The following GAPVD1 variants were observed in gnomAD, a reference collection of about 807,000 sequenced individuals.
GAPVD1 encodes GTPase activating protein and VPS9 domains 1.
A neutral mutation model predicts 155.5 loss-of-function variants in GAPVD1; 35 were observed. The ratio of observed to expected loss-of-function variants is 0.23; its 90% CI spans 0.17 to 0.30. GAPVD1 has a LOEUF of 0.30. Among genes scored for constraint, GAPVD1 ranks in the 10% least tolerant of loss-of-function variants. GAPVD1 has a pLI of 1.00. For synonymous variants in GAPVD1, 636 were observed against 619.7 expected (o/e 1.03, Z -0.39); for missense variants, 1,429 against 1,775.7 (o/e 0.80, Z 3.51).
intron 2 of GAPVD1, among the ~76,000 whole-genome samples, chr9:125,283,245 G>C (rs1260078806): frequency 6.6e-6 from 1 of 151,806 alleles, no homozygotes; most frequent in Admixed American, 6.6e-5. Flanking sequence ...TTTTAGTCGA[G>C]ACTGGGTTTC....
intron 17 of GAPVD1, among the ~76,000 whole-genome samples, chr9:125,338,964 TA>T (rs1847447694): frequency 3.3e-5 from 5 of 150,964 alleles, no homozygotes; most frequent in Admixed American, 2.6e-4. Flanking sequence ...TGTGTATATA[TA>T]TTTTTTGTTG....
intron 2 of GAPVD1, among the ~76,000 whole-genome samples, chr9:125,285,982 G>T (rs1244796549): frequency 6.7e-6 from 1 of 150,300 alleles, no homozygotes; most frequent in East Asian, 2.0e-4. Flanking sequence ...TAATTTTCGT[G>T]TTCTCTGTAG....
intron 20 of GAPVD1, among the ~76,000 whole-genome samples, chr9:125,348,591 C>CAAGATT (rs1331330361): frequency 6.6e-6 from 1 of 152,114 alleles, no homozygotes; most frequent in Non-Finnish European, 1.5e-5. Context: ...TGGCTCACTG[C>CAAGATT]AACCTCCACC....
chr9:125,275,351 C>T (rs1250760345), intron 2 of GAPVD1, among the ~76,000 whole-genome samples: 1 of 152,218 alleles, frequency 6.6e-6, no homozygotes, highest in Non-Finnish European at 1.5e-5. Context: ...GCTGGGATTA[C>T]AGGCGTAAGC....
chr9:125,310,524 A>C (rs1402815560), intron 8 of GAPVD1, among the ~76,000 whole-genome samples: 3 of 146,428 alleles, frequency 2.0e-5, no homozygotes, highest in African/African-American at 7.7e-5. Context: ...GAAAATAGAA[A>C]CTTTTTTTCT....
chr9:125,359,093 C>T (rs1850540882), intron 25 of GAPVD1, among the ~76,000 whole-genome samples: 2 of 151,734 alleles, frequency 1.3e-5, no homozygotes, highest in Non-Finnish European at 2.9e-5. Flanking sequence ...TCACTTTTTC[C>T]CCCCCTCTCC....
At chr9:125,299,304 G>A (rs1409372058) in intron 4 of GAPVD1, among the ~76,000 whole-genome samples, 198 bp downstream of exon 4, 1 of 152,184 alleles carries the variant, frequency 6.6e-6, no homozygotes, top group Non-Finnish European at 1.5e-5. Context: ...ATAGAAAATT[G>A]TAACTTAAGC....
chr9:125,300,191 T>A (rs909242362), intron 4 of GAPVD1, among the ~76,000 whole-genome samples: 4 of 145,786 alleles, frequency 2.7e-5, no homozygotes, highest in Non-Finnish European at 6.0e-5. Flanking sequence ...TTTATTTTTT[T>A]TTTTTTTTGA....
intron 1 of GAPVD1, chr9:125,263,465 A>T (rs1171653492): frequency 6.2e-6 from 4 of 641,498 alleles, no homozygotes; most frequent in Non-Finnish European, 1.1e-5. Context: ...AAAACAAAAC[A>T]AAAAAACTCC....
intron 2 of GAPVD1, 38 bp downstream of exon 2, chr9:125,269,022 T>G (rs1003691088): frequency 6.6e-6 from 1 of 152,100 alleles, no homozygotes; most frequent in African/African-American, 2.4e-5. Context: ...TAAAATAATT[T>G]TTTTAAGTTT....
intron 25 of GAPVD1, among the ~76,000 whole-genome samples, chr9:125,357,699 C>T (rs764059982): frequency 1.1e-4 from 17 of 152,022 alleles, no homozygotes; most frequent in African/African-American, 4.1e-4. Context: ...CCTGGCTGGG[C>T]GCAGTGGCGT....
chr9:125,284,198 T>C (rs1239324687), intron 2 of GAPVD1, among the ~76,000 whole-genome samples: 1 of 148,262 alleles, frequency 6.7e-6, no homozygotes, highest in African/African-American at 2.5e-5. Context: ...TTTTTTTTTT[T>C]TTTGAGATGG....
chr9:125,329,276 G>A (rs993068166), intron 12 of GAPVD1, among the ~76,000 whole-genome samples: 1 of 152,222 alleles, frequency 6.6e-6, no homozygotes, highest in African/African-American at 2.4e-5. Flanking sequence ...GTATTTTCCT[G>A]TGAATGTATC....
At position 125,307,397 on chromosome 9, in the gene GAPVD1, T is replaced by A; in HGVS notation, c.1117-16T>A. ...TTAAAGGGAAATGTTTCACTGTTTT[T>A]TTCCTGTTTTAACAGAGCTGTGTTG... On this transcript the variant is annotated splice_polypyrimidine_tract_variant and intron_variant, in intron 6 of 27. Transcript: ENST00000297933. The A allele has an allele frequency of 6.4e-7, 1 of 1,550,908 alleles. No individual in the cohort carries two copies. Among genetic ancestry groups the A allele is most frequent in the South Asian group, 1.2e-5 (1 of 81,784 alleles).
chr9:125,305,249 T>A, intron 6 of GAPVD1, 100 bp downstream of exon 6: 6 of 746,872 alleles, frequency 8.0e-6, no homozygotes, highest in Non-Finnish European at 1.4e-5. Context: ...AATTAAATGT[T>A]CTTTTAATTA....
intron 9 of GAPVD1, among the ~76,000 whole-genome samples, chr9:125,316,400 A>G (rs758994582): frequency 1.7e-4 from 26 of 151,664 alleles, no homozygotes; most frequent in Non-Finnish European, 3.2e-4. Context: ...TCATTGTTCA[A>G]CTCCCACTTA....
In GAPVD1 at chr9:125,267,340, G is replaced by A. The variant is rs943470553; in HGVS notation, c.-198-1596G>A. ...CGCTATCAGGGATCATTGCAGTCTC[G>A]ACCTCCTGGGCTCAAGCTGTCCTCC... is the stretch of plus-strand genomic sequence containing the variant. On this transcript the variant is annotated intron_variant, in intron 1 of 27. Coordinates refer to ENST00000297933, the MANE Select transcript of GAPVD1 (RefSeq NM_001282680.3). Among the ~76,000 whole-genome samples, 3 of 152,086 alleles carry A rather than the reference G, an allele frequency of 2.0e-5. No individual in the cohort carries two copies. In the East Asian group the frequency reaches 5.8e-4, roughly 29 times the overall value.
intron 12 of GAPVD1, 91 bp from the exon 13 acceptor site, chr9:125,329,987 A>AT (rs1845852369): frequency 9.4e-7 from 1 of 1,064,358 alleles, no homozygotes; most frequent in Admixed American, 2.5e-5. Flanking sequence ...CAGCCAGGAG[A>AT]TTTTGTTAGC....
intron 17 of GAPVD1, among the ~76,000 whole-genome samples, chr9:125,338,492 C>G (rs977335380): frequency 9.2e-5 from 14 of 152,162 alleles, no homozygotes; most frequent in South Asian, 4.1e-4. Context: ...AGTTGTCATG[C>G]CTTTTTAGTC....
Sources: gnomAD v4.1 joint callset for allele counts (sites outside exome capture counted in the v4.1 genomes callset) on GRCh38, gnomAD v4.1.1 for gene constraint, MANE v1.5 for transcripts, NCBI Gene and HGNC (gene_info 2026-07-23, HGNC 2026-07-21) for gene names.